RFX7: variants seen among roughly 807,000 people sequenced by gnomAD.
The protein encoded by RFX7 is DNA-binding protein RFX7.
A neutral mutation model predicts 111.8 loss-of-function variants in RFX7; 26 were observed. The ratio of observed to expected loss-of-function variants is 0.23; its 90% CI spans 0.17 to 0.32. The LOEUF is 0.32. Ranked by LOEUF, RFX7 falls within the 10% of genes least tolerant of loss-of-function variation. RFX7 has a pLI of 1.00. For missense variants in RFX7, 1,573 were observed against 1,772.9 expected (o/e 0.89, Z 2.02); for synonymous variants, 624 against 624.4 (o/e 1.00, Z 0.01).
At chr15:56,142,689 T>G (rs1466094436) in intron 5 of RFX7, 89 bp downstream of exon 5, 4 of 1,185,972 alleles carry the variant, frequency 3.4e-6, no homozygotes, top group Non-Finnish European at 4.7e-6. Context: ...CAGCTTGATA[T>G]TCACCAATAA....
chr15:56,114,870 T>C (rs532937489), intron 5 of RFX7, among the ~76,000 whole-genome samples: 2 of 152,216 alleles, frequency 1.3e-5, no homozygotes, highest in African/African-American at 2.4e-5. Context: ...AAAAATCCCA[T>C]AGTTTATGAA....
At chr15:56,213,956 T>C (rs371086826) in intron 2 of RFX7, among the ~76,000 whole-genome samples, 8 of 152,184 alleles carry the variant, frequency 5.3e-5, no homozygotes, top group African/African-American at 1.9e-4. Context: ...CTTGGATCCA[T>C]TTCACTTTTT....
chr15:56,091,898 T>C lies in RFX7; in HGVS notation c.*1447A>G, dbSNP rs1033623272. On this transcript the variant is annotated 3_prime_UTR_variant, in exon 10 of 10. Coordinates refer to ENST00000559447, the MANE Select transcript of RFX7 (RefSeq NM_022841.7). ...TATTCATTGATTGTAGTCTTCTGAT[T>C]GGCTTACTAAGGTAAAGGAAAGCTT... The C allele has an allele frequency of 2.6e-5, 4 of 152,446 alleles. No homozygotes were observed. The highest frequency in any genetic ancestry group is 9.6e-5 in the African/African-American group (4 of 41,454). The allele number at this position is 152,446 out of a possible 1,614,324, so 9.4% of individuals were successfully genotyped here. A position where few individuals can be genotyped will look rare whatever the true frequency, so the allele number is the denominator to read the frequency against.
chr15:56,108,402 A>G (rs1479707136), intron 5 of RFX7, among the ~76,000 whole-genome samples: 10 of 152,224 alleles, frequency 6.6e-5, no homozygotes, highest in African/African-American at 2.2e-4. Flanking sequence ...CAACATATGT[A>G]AATCAATAAA....
At chr15:56,242,991 A>C (rs1246548761) in intron 2 of RFX7, 134 bp downstream of exon 2, 3 of 651,478 alleles carry the variant, frequency 4.6e-6, no homozygotes, top group Non-Finnish European at 7.1e-6. Context: ...ACAAATGTGC[A>C]CCCGACTGGG....
At chr15:56,144,042 T>C (rs1867089) in intron 4 of RFX7, among the ~76,000 whole-genome samples, 19,807 of 152,126 alleles carry the variant, frequency 0.13, 1,689 homozygotes, top group East Asian at 0.44. Context: ...TATCTGATAG[T>C]ACCTAAAAAA....
intron 2 of RFX7, among the ~76,000 whole-genome samples, chr15:56,235,418 C>T (rs1806711561): frequency 1.3e-5 from 2 of 152,074 alleles, no homozygotes; most frequent in South Asian, 4.2e-4. Flanking sequence ...TCATGATCCG[C>T]CCACCTCGGC....
intron 3 of RFX7, among the ~76,000 whole-genome samples, chr15:56,172,031 T>C (rs1320499295): frequency 1.3e-5 from 2 of 152,034 alleles, no homozygotes; most frequent in Admixed American, 1.3e-4. Flanking sequence ...AAAACCAGGA[T>C]AGTGTGACAT....
rs1481364383 is a variant in RFX7 at position 56,243,725 on chromosome 15, C to T, written c.-283G>A. ...AAGCCTTCCTTCCTTGTCCCCGGGG[C>T]TTTCTACTGCCGGGTCCCCGTGCTG... On this transcript the variant is annotated 5_prime_UTR_variant, in exon 1 of 10. Coordinates refer to ENST00000559447, the MANE Select transcript of RFX7 (RefSeq NM_022841.7). Among the ~76,000 whole-genome samples the T allele has an allele frequency of 1.3e-5, 2 of 151,506 alleles. No homozygotes were observed. The highest frequency in any genetic ancestry group is 3.0e-5 in the Non-Finnish European group (2 of 67,764).
chr15:56,217,907 G>A (rs1596016630), intron 2 of RFX7, among the ~76,000 whole-genome samples: 1 of 151,866 alleles, frequency 6.6e-6, no homozygotes, highest in Non-Finnish European at 1.5e-5. Flanking sequence ...GGAGACTGGC[G>A]AAAACCCAGC....
intron 3 of RFX7, among the ~76,000 whole-genome samples, chr15:56,169,011 C>G (rs191890204): frequency 7.2e-4 from 110 of 152,292 alleles, no homozygotes; most frequent in Middle Eastern, 3.4e-3. Flanking sequence ...TTGTTTCATT[C>G]TATAGTTAGG....
chr15:56,097,539 C>T (rs776425778), intron 9 of RFX7, among the ~76,000 whole-genome samples: 1 of 151,762 alleles, frequency 6.6e-6, no homozygotes, highest in Non-Finnish European at 1.5e-5. Flanking sequence ...GATCACTTGA[C>T]GTCACAAGTT....
At chr15:56,198,250 C>A (rs1463353325) in intron 2 of RFX7, among the ~76,000 whole-genome samples, 2 of 151,692 alleles carry the variant, frequency 1.3e-5, no homozygotes, top group Non-Finnish European at 2.9e-5. Flanking sequence ...ACCTGAAGTT[C>A]AAAGGTGGAA....
intron 5 of RFX7, among the ~76,000 whole-genome samples, chr15:56,122,307 A>T (rs1328813392): frequency 6.6e-6 from 1 of 152,064 alleles, no homozygotes; most frequent in Non-Finnish European, 1.5e-5. Flanking sequence ...GGTGTTGGAT[A>T]AGGTCTGGAA....
At chr15:56,154,728 C>CT (rs1438300770) in intron 3 of RFX7, among the ~76,000 whole-genome samples, 1 of 152,160 alleles carries the variant, frequency 6.6e-6, no homozygotes, top group African/African-American at 2.4e-5. Context: ...TGGGCAAAGA[C>CT]TTCATGTCTA....
At position 56,088,866 on chromosome 15, in the gene RFX7, T is replaced by C. The variant is rs776459994; in HGVS notation, c.*4479A>G. 2.0e-5 allele frequency: 3 copies of C among 152,200 alleles called. No individual in the cohort carries two copies. The highest frequency in any genetic ancestry group is 2.9e-5 in the Non-Finnish European group (2 of 68,036). The allele number at this position is 152,200 out of a possible 1,614,324, so 9.4% of individuals were successfully genotyped here. A position where few individuals can be genotyped will look rare whatever the true frequency, so the allele number is the denominator to read the frequency against. On this transcript the variant is annotated 3_prime_UTR_variant, in exon 10 of 10. Transcript: ENST00000559447. ...TTCGGCAGATTTCAAATTCTTATTT[T>C]TTCTTCTACATAGTGTAGTATACAT...
intron 5 of RFX7, among the ~76,000 whole-genome samples, chr15:56,122,819 CACAGGGAGTATT>C (rs2042095679): frequency 6.6e-6 from 1 of 152,158 alleles, no homozygotes; most frequent in African/African-American, 2.4e-5. Context: ...ACCACAGGCC[CACAGGGAGTATT>C]GCCAGGGTAC....
intron 3 of RFX7, among the ~76,000 whole-genome samples, chr15:56,176,939 TAAA>T (rs33975389): frequency 2.7e-5 from 4 of 148,646 alleles, no homozygotes; most frequent in South Asian, 2.1e-4. Context: ...GCCAGGGTAT[TAAA>T]AAAAAAAAAA....
chr15:56,095,065 A>G lies in RFX7; in HGVS notation c.2663T>C (p.Val888Ala), dbSNP rs756089321. Residue 888 changes from valine (V) to alanine (A), a missense_variant, in exon 10 of 10, where the codon GTG becomes GCG. Physicochemically the swap from Val to Ala is moderately conservative, Grantham distance 64. Around this residue, in one of 7 missense-constraint regions of RFX7, gnomAD observed 625 missense variants for 632.2 expected, o/e 0.99. Transcript: ENST00000559447. ...FDDELTQDSI[V>A]EELVLMEQQM... ...CTGCTCCATAAGCACCAGCTCTTCC[A>G]CAATACTATCTTGTGTAAGTTCATC... 6.2e-7 allele frequency: 1 copy of G among 1,613,986 alleles called. No homozygotes were observed. The highest frequency in any genetic ancestry group is 1.7e-5 in the Admixed American group (1 of 60,022).
Sources: allele counts gnomAD v4.1 joint callset (sites outside exome capture counted in the v4.1 genomes callset), GRCh38; gene constraint gnomAD v4.1.1; regional missense constraint gnomAD v4.1.1; transcripts MANE v1.5; gene names NCBI Gene and HGNC (gene_info 2026-07-23, HGNC 2026-07-21).